The following ADGRB2 variants were observed in gnomAD, a reference collection of about 807,000 sequenced individuals.
ADGRB2 encodes adhesion G protein-coupled receptor B2.
In ADGRB2, 47 loss-of-function variants were observed where a neutral mutation model predicts 178.7. The observed-to-expected ratio is 0.26, with a 90% CI of 0.21 to 0.34. ADGRB2 has a LOEUF of 0.34. ADGRB2 is among the 10% of genes least tolerant of loss of function. ADGRB2 has a pLI of 1.00. For synonymous variants in ADGRB2, 870 were observed against 912.4 expected, an observed-to-expected ratio of 0.95 and a Z score of 0.84; for missense variants, 1,584 against 2,180.8, an observed-to-expected ratio of 0.73 and a Z score of 5.45.
At chr1:31,731,737 A>C (rs573980216) in intron 28 of ADGRB2, among the ~76,000 whole-genome samples, 2 of 152,288 alleles carry the variant, frequency 1.3e-5, no homozygotes, top group East Asian at 3.9e-4. Flanking sequence ...CCTGTGCATC[A>C]GCTCCCCAGG....
rs1645045986 is a variant in ADGRB2, at chr1:31,727,525, T to C, written c.4653A>G (p.Thr1551=). 1 of 1,598,236 alleles carries C rather than the reference T, an allele frequency of 6.3e-7. No individual in the cohort carries two copies. Among genetic ancestry groups the C allele is most frequent in the South Asian group, 1.1e-5 (1 of 88,732 alleles). Residue 1551 remains threonine, a synonymous_variant, in exon 33 of 33, where the codon ACA becomes ACG. Transcript: ENST00000373658. This position sits in a 1 kb window ranked among gnomAD's most constrained non-coding sequence, Gnocchi z 4.4. The part of the protein sequence containing the change: ...HQSWSTFKSM[T]LGSLPPKPRE... ...GGGGCTTGGGGGGCAGCGAGCCCAG[T>C]GTCATAGATTTGAAGGTGCTCCAGC...
At position 31,759,333 on chromosome 1, in the gene ADGRB2, C is replaced by T. The variant is rs753008100; in HGVS notation, c.-190-1822G>A. 1.3e-5 allele frequency: 10 copies of T among 779,580 alleles called. No homozygotes were observed. The Admixed American group carries it at 1.7e-4, about 13-fold the overall frequency. The allele number at this position is 779,580 out of a possible 1,614,324, so 48.3% of individuals were successfully genotyped here. A position where few individuals can be genotyped will look rare whatever the true frequency, so the allele number is the denominator to read the frequency against. ...ACTGAGAACACACATGAGTATCTGG[C>T]CCTCTGAGGCTCAGCATATGACAGC... On this transcript the variant is annotated intron_variant, in intron 1 of 32. Transcript: ENST00000373658. The surrounding 1 kb of genome is among the most constrained non-coding windows in gnomAD (Gnocchi z 4.3).
Position 31,756,620 on chromosome 1 carries a change from C to T in ADGRB2, c.217G>A (p.Asp73Asn). ...SGCSWTLENP[D>N]PTKYSLYLRF... is the part of the protein sequence containing the mutation. ...AGGTAGAGGGAGTACTTGGTGGGGT[C>T]AGGGTTCTCCAGGGTCCAGGAGCAG... The change falls in exon 4 of 33, where the codon GAC becomes AAC. Residue 73 changes from aspartate (D) to asparagine (N), a missense_variant. By Grantham distance (23) the Asp-to-Asn change is conservative. This residue lies in a region of ADGRB2 where 657 missense variants were observed against 847.6 expected (regional missense o/e 0.78). Coordinates refer to ENST00000373658, the MANE Select transcript of ADGRB2 (RefSeq NM_001364857.2). The surrounding 1 kb of genome is among the most constrained non-coding windows in gnomAD (Gnocchi z 8.5). 6.2e-7 allele frequency: 1 copy of T among 1,606,582 alleles called. No individual in the cohort carries two copies. The highest frequency in any genetic ancestry group is 8.5e-7 in the Non-Finnish European group (1 of 1,175,998).
At position 31,753,677 on chromosome 1, in the gene ADGRB2, T is replaced by C. The variant is rs1646693479; in HGVS notation, c.838+2322A>G. ...AGTGGGGAGGAGACAAGGGGAGGAA[T>C]GGAGGGGGCCAAAGGCTCGGCAAAG... On this transcript the variant is annotated intron_variant, in intron 4 of 32. Transcript: ENST00000373658. The surrounding 1 kb of genome is among the most constrained non-coding windows in gnomAD (Gnocchi z 4.1). Among the ~76,000 whole-genome samples the C allele has an allele frequency of 6.6e-6, 1 of 152,016 alleles. No homozygotes were observed.
chr1:31,757,969 G>C (rs1268784484), intron 1 of ADGRB2, among the ~76,000 whole-genome samples: 1 of 152,184 alleles, frequency 6.6e-6, no homozygotes, highest in Admixed American at 6.5e-5. Context: ...AGTCAGGCCA[G>C]AGTGGGTAAG....
At chr1:31,732,847 G>C (rs1407294454) in intron 26 of ADGRB2, 125 bp downstream of exon 26, 5 of 1,326,910 alleles carry the variant, frequency 3.8e-6, no homozygotes, top group Non-Finnish European at 5.1e-6. Context: ...CACAGTAAGG[G>C]CTGCCCAGAT....
Position 31,727,368 on chromosome 1 carries a change from G to C in ADGRB2, c.*52C>G. 1.3e-6 allele frequency: 2 copies of C among 1,523,028 alleles called. No individual in the cohort carries two copies. The highest frequency in any genetic ancestry group is 1.7e-6 in the Non-Finnish European group (2 of 1,144,700). The allele number at this position is 1,523,028 out of a possible 1,614,324, so 94.3% of individuals were successfully genotyped here. On this transcript the variant is annotated 3_prime_UTR_variant, in exon 33 of 33. Transcript: ENST00000373658. This position sits in a 1 kb window ranked among gnomAD's most constrained non-coding sequence, Gnocchi z 4.4. ...CCTGGGTAGTTCCAAAGTGGAGTGT[G>C]AAAATAGAGAGATATATATATTTAT...
Position 31,728,785 on chromosome 1 carries a change from G to T in ADGRB2, c.4381-152C>A. 1.7e-6 allele frequency: 1 copy of T among 574,874 alleles called. No individual in the cohort carries two copies. The highest frequency in any genetic ancestry group is 3.1e-6 in the Non-Finnish European group (1 of 319,446). The allele number at this position is 574,874 out of a possible 1,614,324, so 35.6% of individuals were successfully genotyped here. ...AGAAGTTGCGGACCTTCATGGGGCA[G>T]CTTTTCAGGCCTCACTGAACACACA... On this transcript the variant is annotated intron_variant, in intron 29 of 32. Transcript: ENST00000373658. The surrounding 1 kb of genome is among the most constrained non-coding windows in gnomAD (Gnocchi z 6.7).
chr1:31,764,107 TGCCGCCGCC>T lies in ADGRB2; in HGVS notation c.-423_-415del, dbSNP rs1177552167. On this transcript the variant is annotated 5_prime_UTR_variant, in exon 1 of 33. Transcript: ENST00000373658. The surrounding 1 kb of genome is among the most constrained non-coding windows in gnomAD (Gnocchi z 7.3). ...CGGCGCCGGGCCGGGCGCGGGCTCC[TGCCGCCGCC>T]GCCGCCGCCGCCTCCTTGCCGCGCC... The T allele has an allele frequency of 2.5e-4, 234 of 934,176 alleles. No individual in the cohort carries two copies. The African/African-American group carries it at 3.5e-3, about 14-fold the overall frequency. 57.9% of individuals were successfully genotyped at this position (934,176 alleles called of 1,614,324 possible). A position where few individuals can be genotyped will look rare whatever the true frequency, so the allele number is the denominator to read the frequency against.
chr1:31,744,824 T>G lies in ADGRB2; in HGVS notation c.839-93A>C. 1.0e-5 allele frequency: 13 copies of G among 1,282,644 alleles called. No individual in the cohort carries two copies. The highest frequency in any genetic ancestry group is 1.5e-5 in the Non-Finnish European group (13 of 890,438). 79.5% of individuals were successfully genotyped at this position (1,282,644 alleles called of 1,614,324 possible). ...AAGGCAGCCTTCCTTGCCCTCCGCC[T>G]GAGGGCCTGGAACCAACTGCATGAT... On this transcript the variant is annotated intron_variant, in intron 4 of 32. Transcript: ENST00000373658. The surrounding 1 kb of genome is among the most constrained non-coding windows in gnomAD (Gnocchi z 6.7).
chr1:31,741,978 G>T lies in ADGRB2; in HGVS notation c.1418-11C>A. 1 of 1,586,414 alleles carries T rather than the reference G, an allele frequency of 6.3e-7. No homozygotes were observed. The highest frequency in any genetic ancestry group is 8.6e-7 in the Non-Finnish European group (1 of 1,161,714). On this transcript the variant is annotated splice_polypyrimidine_tract_variant and intron_variant, in intron 8 of 32. Coordinates refer to ENST00000373658, the MANE Select transcript of ADGRB2 (RefSeq NM_001364857.2). The surrounding 1 kb of genome is among the most constrained non-coding windows in gnomAD (Gnocchi z 6.5). ...ACTTGCTATCAGTGGCTGTGGGAGAGGTGAGGCATATGAGTGGGCCCAGGT... is the reference window on the plus strand; with the variant it reads ...ACTTGCTATCAGTGGCTGTGGGAGATGTGAGGCATATGAGTGGGCCCAGGT...
chr1:31,732,085 C>T (rs1645315937), intron 28 of ADGRB2, 30 bp downstream of exon 28: 1 of 1,613,718 alleles, frequency 6.2e-7, no homozygotes, highest in Non-Finnish European at 8.5e-7. Flanking sequence ...AACCCCAGGA[C>T]CATTCTCAGT....
At chr1:31,738,974 G>A (rs774902316) in intron 15 of ADGRB2, 37 bp from the exon 16 acceptor site, 10 of 1,543,654 alleles carry the variant, frequency 6.5e-6, no homozygotes, top group Non-Finnish European at 8.9e-6. Context: ...CCTGCCAGCG[G>A]GTGCCAGCCC....
chr1:31,761,129 G>A lies in ADGRB2; in HGVS notation c.-191+2755C>T, dbSNP rs1403598190. On this transcript the variant is annotated intron_variant, in intron 1 of 32. Coordinates refer to ENST00000373658, the MANE Select transcript of ADGRB2 (RefSeq NM_001364857.2). This position sits in a 1 kb window ranked among gnomAD's most constrained non-coding sequence, Gnocchi z 4.2. ...GCCGCCGTTGCTACAGGAACCGAAT[G>A]CTTTTGTTCCCCAATGTCAGGGCTG... 2.6e-5 allele frequency: 4 copies of A among 152,384 alleles called. No individual in the cohort carries two copies. The East Asian group carries it at 7.7e-4, about 29-fold the overall frequency. The allele number at this position is 152,384 out of a possible 1,614,324, so 9.4% of individuals were successfully genotyped here.
chr1:31,735,794 A>G lies in ADGRB2; in HGVS notation c.3267+33T>C. The G allele has an allele frequency of 1.2e-6, 2 of 1,604,342 alleles. No individual in the cohort carries two copies. The highest frequency in any genetic ancestry group is 1.7e-6 in the Non-Finnish European group (2 of 1,174,344). On this transcript the variant is annotated intron_variant, in intron 23 of 32. Transcript: ENST00000373658. The surrounding 1 kb of genome is among the most constrained non-coding windows in gnomAD (Gnocchi z 6.0). ...AGAAACAGGATGACCCTCTGGGGCC[A>G]TGCCCCTTCCAAGATGCTGAACGGG...
rs1645126584 is a variant in ADGRB2, at chr1:31,728,779, G to T, written c.4381-146C>A. 4 of 716,226 alleles carry T rather than the reference G, an allele frequency of 5.6e-6. No individual in the cohort carries two copies. Among genetic ancestry groups the T allele is most frequent in the Non-Finnish European group, 9.4e-6 (4 of 426,134 alleles). 44.4% of individuals were successfully genotyped at this position (716,226 alleles called of 1,614,324 possible). ...AGGCCCAGAAGTTGCGGACCTTCAT[G>T]GGGCAGCTTTTCAGGCCTCACTGAA... On this transcript the variant is annotated intron_variant, in intron 29 of 32. Transcript: ENST00000373658. This position sits in a 1 kb window ranked among gnomAD's most constrained non-coding sequence, Gnocchi z 6.7.
At chr1:31,749,088 C>G (rs987268668) in intron 4 of ADGRB2, among the ~76,000 whole-genome samples, 3 of 152,210 alleles carry the variant, frequency 2.0e-5, no homozygotes, top group African/African-American at 4.8e-5. Context: ...AGTCACTCCC[C>G]GCCTCCATCT....
At position 31,756,937 on chromosome 1, in the gene ADGRB2, G is replaced by A. The variant is rs2149060363; in HGVS notation, c.22-122C>T. The A allele has an allele frequency of 8.7e-7, 1 of 1,145,560 alleles. No homozygotes were observed. Among genetic ancestry groups the A allele is most frequent in the Non-Finnish European group, 1.2e-6 (1 of 823,764 alleles). 71.0% of individuals were successfully genotyped at this position (1,145,560 alleles called of 1,614,324 possible). A position where few individuals can be genotyped will look rare whatever the true frequency, so the allele number is the denominator to read the frequency against. ...GACCCTGGTCTTTGAAGTGTCACCT[G>A]GGTCCACCTGTGTGAACTTAGACAA... is the stretch of plus-strand genomic sequence containing the variant. On this transcript the variant is annotated intron_variant, in intron 3 of 32. Transcript: ENST00000373658. The surrounding 1 kb of genome is among the most constrained non-coding windows in gnomAD (Gnocchi z 8.5).
Position 31,738,118 on chromosome 1 carries a change from G to A in ADGRB2, c.2772+82C>T, listed in dbSNP as rs892354888. On this transcript the variant is annotated intron_variant, in intron 18 of 32. Coordinates refer to ENST00000373658, the MANE Select transcript of ADGRB2 (RefSeq NM_001364857.2). ...GATGCACATTCAGGATCACCCAGGC[G>A]CCTGCCAACACCATCACTGATGGCT... 48 of 1,564,116 alleles carry A rather than the reference G, an allele frequency of 3.1e-5. No individual in the cohort carries two copies. The Middle Eastern group carries it at 5.5e-4, about 18-fold the overall frequency.
Sources: allele counts gnomAD v4.1 joint callset (sites outside exome capture counted in the v4.1 genomes callset), GRCh38; gene constraint gnomAD v4.1.1; regional missense constraint gnomAD v4.1.1; non-coding constraint Gnocchi (gnomAD v3.1); transcripts MANE v1.5; gene names NCBI Gene and HGNC (gene_info 2026-07-23, HGNC 2026-07-21).